The following LIMS1 variants were observed in gnomAD, a reference collection of about 807,000 sequenced individuals.
The protein encoded by LIMS1 is LIM zinc finger domain containing 1.
A neutral mutation model predicts 44.1 loss-of-function variants in LIMS1; 18 were observed. That is an observed-to-expected ratio of 0.41 (90% CI 0.28 to 0.61). The LOEUF (loss-of-function observed/expected upper bound fraction) is 0.61, where lower values mean the gene tolerates loss of function less well. LIMS1 is among the 20% of genes least tolerant of loss of function. The pLI, the probability that LIMS1 is intolerant of heterozygous loss-of-function variation, is 0.32. For synonymous variants in LIMS1, 93 were observed against 149.1 expected (o/e 0.62, Z 2.74); for missense variants, 201 against 422.0 (o/e 0.48, Z 4.59).
intron 1 of LIMS1, among the ~76,000 whole-genome samples, chr2:108,645,161 C>T (rs1244040509): frequency 6.6e-6 from 1 of 152,026 alleles, no homozygotes; most frequent in Non-Finnish European, 1.5e-5. Context: ...GAAAGATACT[C>T]CTTGAGAAAA....
At chr2:108,596,550 G>T (rs1191024896) in intron 1 of LIMS1, among the ~76,000 whole-genome samples, 1 of 152,416 alleles carries the variant, frequency 6.6e-6, no homozygotes, top group Non-Finnish European at 1.5e-5. Flanking sequence ...ATGTTGGCCG[G>T]GCATGGCACA....
chr2:108,637,134 TGTGTG>T (rs1689328307), intron 1 of LIMS1, among the ~76,000 whole-genome samples: 1 of 151,706 alleles, frequency 6.6e-6, no homozygotes, highest in Non-Finnish European at 1.5e-5. Flanking sequence ...TGTGTGTGTG[TGTGTG>T]TGTGTGTATT....
At chr2:108,552,493 A>G (rs989378600) in intron 1 of LIMS1, among the ~76,000 whole-genome samples, 1 of 146,780 alleles carries the variant, frequency 6.8e-6, no homozygotes, top group Non-Finnish European at 1.5e-5. Context: ...TTACAGTTAC[A>G]TATAATATAT....
intron 2 of LIMS1, among the ~76,000 whole-genome samples, chr2:108,669,952 T>C (rs1441366211): frequency 6.6e-6 from 1 of 152,192 alleles, no homozygotes; most frequent in Non-Finnish European, 1.5e-5. Flanking sequence ...CTAATGATAA[T>C]ACAGAAGAAA....
intron 1 of LIMS1, among the ~76,000 whole-genome samples, chr2:108,652,856 C>A (rs111580721): frequency 0.012 from 1,853 of 152,244 alleles, 44 homozygotes; most frequent in African/African-American, 0.043. Flanking sequence ...CCCCATCCAT[C>A]TGTCTGTCTG....
chr2:108,556,140 T>C (rs1356060134), intron 1 of LIMS1, among the ~76,000 whole-genome samples: 2 of 152,202 alleles, frequency 1.3e-5, no homozygotes, highest in East Asian at 3.8e-4. Flanking sequence ...CTGTTCTACT[T>C]TTTGTCTCTA....
chr2:108,552,296 A>T (rs192564843), intron 1 of LIMS1, among the ~76,000 whole-genome samples: 164 of 136,284 alleles, frequency 1.2e-3, no homozygotes, highest in African/African-American at 4.1e-3. Context: ...TATATATACT[A>T]TACGTGTAGT....
intron 1 of LIMS1, among the ~76,000 whole-genome samples, chr2:108,587,024 G>C (rs1410982120): frequency 6.6e-6 from 1 of 152,148 alleles, no homozygotes; most frequent in Non-Finnish European, 1.5e-5. Context: ...AAACTAGCTG[G>C]GACCGTTGGA....
chr2:108,668,539 A>T (rs1470225299), intron 2 of LIMS1, among the ~76,000 whole-genome samples: 3 of 152,104 alleles, frequency 2.0e-5, no homozygotes, highest in East Asian at 1.9e-4. Context: ...AGATGACAGG[A>T]TCTCATTCTT....
chr2:108,683,882 T>C lies in LIMS1; in HGVS notation c.900-3T>C, dbSNP rs569553583. ...CTTTTTTTTTATAATTTTTTGTCTT[T>C]AGGAATAAGTTTGTGGAGTTTGACA... On this transcript the variant is annotated splice_region_variant and splice_polypyrimidine_tract_variant and intron_variant, in intron 9 of 9. Coordinates refer to ENST00000544547, the Ensembl canonical transcript of LIMS1. The C allele has an allele frequency of 5.4e-6, 8 of 1,484,310 alleles. No homozygotes were observed. In the African/African-American group the frequency reaches 9.9e-5, roughly 18 times the overall value. 91.9% of individuals were successfully genotyped at this position (1,484,310 alleles called of 1,614,324 possible).
chr2:108,645,756 G>T (rs145128062), intron 1 of LIMS1, among the ~76,000 whole-genome samples: 1 of 151,522 alleles, frequency 6.6e-6, no homozygotes, highest in Non-Finnish European at 1.5e-5. Context: ...CCCATCCCAC[G>T]TGGAGAGACA....
At chr2:108,614,183 C>G (rs1687809359) in intron 1 of LIMS1, among the ~76,000 whole-genome samples, 1 of 152,190 alleles carries the variant, frequency 6.6e-6, no homozygotes, top group Non-Finnish European at 1.5e-5. Context: ...CGCTTTAAAC[C>G]TGTGTTCCCG....
chr2:108,621,123 C>G, intron 1 of LIMS1: 1 of 547,270 alleles, frequency 1.8e-6, no homozygotes, highest in East Asian at 3.3e-5. Flanking sequence ...CACCGCTTCC[C>G]CCCTCCCCAA....
chr2:108,667,046 A>AAGTTGATC (rs1348220815), intron 2 of LIMS1, among the ~76,000 whole-genome samples: 1 of 151,530 alleles, frequency 6.6e-6, no homozygotes, highest in African/African-American at 2.4e-5. Context: ...TGATCAACTT[A>AAGTTGATC]ACCTTCAGCT....
chr2:108,573,592 C>T (rs907497384), intron 1 of LIMS1, among the ~76,000 whole-genome samples: 4 of 152,238 alleles, frequency 2.6e-5, no homozygotes, highest in East Asian at 1.9e-4. Context: ...AATATTGCTG[C>T]GTGCCTGGTA....
At chr2:108,661,326 T>C (rs1205952955) in intron 2 of LIMS1, among the ~76,000 whole-genome samples, 5 of 141,996 alleles carry the variant, frequency 3.5e-5, no homozygotes, top group Non-Finnish European at 7.6e-5. Flanking sequence ...TTTTCTCTTT[T>C]CTTCTAGTTC....
intron 1 of LIMS1, among the ~76,000 whole-genome samples, chr2:108,551,718 ATATG>A (rs1028549327): frequency 1.4e-5 from 2 of 146,402 alleles, no homozygotes; most frequent in African/African-American, 5.0e-5. Context: ...TGTATATAGT[ATATG>A]TATAATGTAT....
At chr2:108,577,685 A>G (rs1362294362) in intron 1 of LIMS1, among the ~76,000 whole-genome samples, 1 of 152,236 alleles carries the variant, frequency 6.6e-6, no homozygotes, top group African/African-American at 2.4e-5. Flanking sequence ...ACAAACATGA[A>G]TCTATATTGT....
chr2:108,535,065 C>A (rs1359122643), intron 1 of LIMS1, among the ~76,000 whole-genome samples: 1 of 152,176 alleles, frequency 6.6e-6, no homozygotes, highest in Non-Finnish European at 1.5e-5. Flanking sequence ...GTACATACCA[C>A]ATTTTTATGC....
Sources: gnomAD v4.1 joint callset for allele counts (sites outside exome capture counted in the v4.1 genomes callset) on GRCh38, gnomAD v4.1.1 for gene constraint, MANE v1.5 for transcripts, NCBI Gene and HGNC (gene_info 2026-07-23, HGNC 2026-07-21) for gene names.